KTN1: variants seen among roughly 807,000 people sequenced by gnomAD.
KTN1 encodes the protein kinectin.
A neutral mutation model predicts 222.5 loss-of-function variants in KTN1; 130 were observed. The ratio of observed to expected loss-of-function variants is 0.58; its 90% CI spans 0.51 to 0.68. The LOEUF (loss-of-function observed/expected upper bound fraction) is 0.68, where lower values mean the gene tolerates loss of function less well. Among genes scored for constraint, KTN1 ranks in the 30% least tolerant of loss-of-function variants. The pLI, the probability that KTN1 is intolerant of heterozygous loss-of-function variation, is 0.00. For missense variants in KTN1, 1,508 were observed against 1,500.4 expected (o/e 1.01, Z -0.08); for synonymous variants, 512 against 496.3 (o/e 1.03, Z -0.42).
chr14:55,614,054 C>T (rs2037993867), intron 2 of KTN1, among the ~76,000 whole-genome samples: 1 of 152,050 alleles, frequency 6.6e-6, no homozygotes, highest in South Asian at 2.1e-4. Flanking sequence ...CACAGAGCTG[C>T]AAGAGTACAG....
chr14:55,633,433 G>A (rs2040753828), intron 8 of KTN1, 92 bp downstream of exon 8: 1 of 727,618 alleles, frequency 1.4e-6, no homozygotes, highest in South Asian at 3.0e-5. Flanking sequence ...TAATTGGTTA[G>A]ACTTTTGTGT....
intron 31 of KTN1, among the ~76,000 whole-genome samples, chr14:55,660,151 C>T (rs911850833): frequency 6.6e-6 from 1 of 151,954 alleles, no homozygotes; most frequent in Non-Finnish European, 1.5e-5. Flanking sequence ...GAGACTGAGA[C>T]GGGAGGATCA....
intron 43 of KTN1, among the ~76,000 whole-genome samples, 154 bp from the exon 44 acceptor site, chr14:55,683,945 T>C (rs2046578724): frequency 6.6e-6 from 1 of 152,144 alleles, no homozygotes; most frequent in Non-Finnish European, 1.5e-5. Flanking sequence ...TTTTTCTCAG[T>C]TTGATTACCA....
At position 55,631,341 on chromosome 14, in the gene KTN1, G is replaced by GATATATATATATATATAT. The variant is rs56190231; in HGVS notation, c.1221+1255_1221+1272dup. Among the ~76,000 whole-genome samples, 370 of 114,582 alleles carry GATATATATATATATATAT rather than the reference G, an allele frequency of 3.2e-3. 7 individuals carry two copies. Among genetic ancestry groups the GATATATATATATATATAT allele is most frequent in the African/African-American group, 0.01 (280 of 27,430 alleles). 75.2% of individuals were successfully genotyped at this position (114,582 alleles called of 152,430 possible). A position where few individuals can be genotyped will look rare whatever the true frequency, so the allele number is the denominator to read the frequency against. ...CTAAAACTCACCTATTGATAAGGTT[G>GATATATATATATATATAT]ATATATATATATATATATATATATA... is the stretch of plus-strand genomic sequence containing the variant. On this transcript the variant is annotated intron_variant, in intron 7 of 43. Coordinates refer to ENST00000395314, the MANE Select transcript of KTN1 (RefSeq NM_001079521.2).
chr14:55,662,135 T>C (rs2044218248), intron 32 of KTN1, among the ~76,000 whole-genome samples: 1 of 150,742 alleles, frequency 6.6e-6, no homozygotes, highest in African/African-American at 2.4e-5. Context: ...GGCTTGAACT[T>C]GGCTCACTGC....
At chr14:55,634,489 A>C in intron 8 of KTN1, 37 bp from the exon 9 acceptor site, 4 of 1,549,962 alleles carry the variant, frequency 2.6e-6, no homozygotes, top group Non-Finnish European at 3.5e-6. Context: ...ATATATTTGT[A>C]ATAACGGAAG....
intron 1 of KTN1, among the ~76,000 whole-genome samples, chr14:55,595,548 G>T (rs1284499070): frequency 6.6e-6 from 1 of 152,172 alleles, no homozygotes; most frequent in Non-Finnish European, 1.5e-5. Context: ...CAACACATTT[G>T]TAAACTGGCA....
chr14:55,608,524 C>T (rs963567101), intron 1 of KTN1, among the ~76,000 whole-genome samples: 1 of 151,900 alleles, frequency 6.6e-6, no homozygotes, highest in African/African-American at 2.4e-5. Flanking sequence ...TTTTAGTGTT[C>T]ATGGTTTTAA....
intron 32 of KTN1, 171 bp from the exon 33 acceptor site, chr14:55,663,780 CTCAT>C (rs1470421450): frequency 7.6e-6 from 4 of 525,892 alleles, no homozygotes; most frequent in South Asian, 2.8e-5. Flanking sequence ...TCTTTATTTT[CTCAT>C]TCAAACTTCT....
chr14:55,584,758 CT>C (rs1391769411), intron 1 of KTN1, among the ~76,000 whole-genome samples: 6 of 152,192 alleles, frequency 3.9e-5, no homozygotes, highest in Non-Finnish European at 8.8e-5. Context: ...GGCTTTTTGT[CT>C]GTTTTATTGA....
chr14:55,592,312 T>C (rs2034287084), intron 1 of KTN1, among the ~76,000 whole-genome samples: 1 of 152,236 alleles, frequency 6.6e-6, no homozygotes, highest in African/African-American at 2.4e-5. Flanking sequence ...TTTCCACTGC[T>C]TACCATTTCA....
At chr14:55,648,663 G>A (rs534131742) in intron 20 of KTN1, 139 bp from the exon 21 acceptor site, 4 of 668,460 alleles carry the variant, frequency 6.0e-6, no homozygotes, top group Admixed American at 2.8e-5. Flanking sequence ...CAGAATTATA[G>A]ACATGGAAAA....
At chr14:55,636,351 A>G (rs1427965663) in intron 9 of KTN1, 98 bp from the exon 10 acceptor site, 4 of 836,668 alleles carry the variant, frequency 4.8e-6, no homozygotes, top group Non-Finnish European at 7.7e-6. Context: ...GTTTTATGAT[A>G]CAACAGTAAA....
In KTN1 at chr14:55,641,683, T is replaced by G; in HGVS notation, c.2104-9T>G. On this transcript the variant is annotated splice_polypyrimidine_tract_variant and intron_variant, in intron 17 of 43. Transcript: ENST00000395314. ...TAATAAAACAGTAAATTGAGACTCT[T>G]TCTTCCAGATTCTAAATGACCAAAA... 5.8e-6 allele frequency: 9 copies of G among 1,556,084 alleles called. No homozygotes were observed. Among genetic ancestry groups the G allele is most frequent in the Non-Finnish European group, 8.0e-6 (9 of 1,127,674 alleles).
chr14:55,616,576 C>A lies in KTN1; in HGVS notation c.583C>A (p.Pro195Thr). 6.8e-6 allele frequency: 11 copies of A among 1,607,266 alleles called. No individual in the cohort carries two copies. The highest frequency in any genetic ancestry group is 9.3e-6 in the Non-Finnish European group (11 of 1,177,632). Reference sequence around the variant, plus strand: ...ACCATCAAAAAGGCAAGAAGCATTGCCCCTCCACCAAGAGACTAAACAAGA... The same window carrying A: ...ACCATCAAAAAGGCAAGAAGCATTGACCCTCCACCAAGAGACTAAACAAGA... Reference protein sequence around the residue: ...MVPSKRQEALPLHQETKQESG... With the variant: ...MVPSKRQEALTLHQETKQESG... The change falls in exon 3 of 44, where the codon CCC (proline) becomes ACC (threonine). Residue 195 changes from proline (P) to threonine (T), a missense_variant. Coordinates refer to ENST00000395314, the MANE Select transcript of KTN1 (RefSeq NM_001079521.2).
intron 13 of KTN1, among the ~76,000 whole-genome samples, chr14:55,639,669 C>A (rs1431052955): frequency 6.6e-6 from 1 of 151,692 alleles, no homozygotes; most frequent in African/African-American, 2.4e-5. Context: ...GATCTGAAAT[C>A]TGGTTTTGAC....
rs556567436 is a variant in KTN1, at chr14:55,595,069, A to T, written c.-31+14715A>T. ...AATAGAACACATGCAGAAAAGACGG[A>T]GTTGTAGGAGCTGGAAGCTCATTGA... is the stretch of plus-strand genomic sequence containing the variant. On this transcript the variant is annotated intron_variant, in intron 1 of 43. Coordinates refer to ENST00000395314, the MANE Select transcript of KTN1 (RefSeq NM_001079521.2). Among the ~76,000 whole-genome samples, 401 of 152,370 alleles carry T rather than the reference A, an allele frequency of 2.6e-3. 1 individual carries two copies. The highest frequency in any genetic ancestry group is 8.9e-3 in the African/African-American group (369 of 41,588).
chr14:55,580,595 G>A (rs1273473450), intron 1 of KTN1, among the ~76,000 whole-genome samples: 2 of 151,728 alleles, frequency 1.3e-5, no homozygotes, highest in African/African-American at 4.8e-5. Flanking sequence ...GCCTCGCGGG[G>A]CCGCTCTGGG....
At chr14:55,582,238 C>G (rs1449015226) in intron 1 of KTN1, among the ~76,000 whole-genome samples, 1 of 152,152 alleles carries the variant, frequency 6.6e-6, no homozygotes, top group African/African-American at 2.4e-5. Context: ...TTAGATCTTT[C>G]TGTATTCTTT....
Sources: gnomAD v4.1 joint callset for allele counts (sites outside exome capture counted in the v4.1 genomes callset) on GRCh38, gnomAD v4.1.1 for gene constraint, MANE v1.5 for transcripts, NCBI Gene and HGNC (gene_info 2026-07-23, HGNC 2026-07-21) for gene names.